SPTLC3: variants seen among roughly 807,000 people sequenced by gnomAD.
SPTLC3 encodes serine palmitoyltransferase 3.
A neutral mutation model predicts 59.3 loss-of-function variants in SPTLC3; 36 were observed. That is an observed-to-expected ratio of 0.61 (90% confidence interval 0.47 to 0.80). The LOEUF (loss-of-function observed/expected upper bound fraction) is 0.80. SPTLC3 is among the 30% of genes least tolerant of loss of function. The pLI is 0.00. For synonymous variants in SPTLC3, 257 were observed against 240.8 expected (o/e 1.07, Z -0.62); for missense variants, 625 against 685.1 (o/e 0.91, Z 0.98).
At chr20:13,020,220 T>C (rs1208643098) in intron 1 of SPTLC3, among the ~76,000 whole-genome samples, 1 of 151,928 alleles carries the variant, frequency 6.6e-6, no homozygotes, top group Non-Finnish European at 1.5e-5. Context: ...TATTTAAAAA[T>C]TGGATTAGAG....
chr20:13,141,200 C>G (rs754883647), intron 9 of SPTLC3, among the ~76,000 whole-genome samples: 16 of 152,210 alleles, frequency 1.1e-4, no homozygotes, highest in Non-Finnish European at 2.1e-4. Context: ...TCACAAACTT[C>G]TCTCATAAGA....
intron 9 of SPTLC3, among the ~76,000 whole-genome samples, 189 bp downstream of exon 9, chr20:13,126,906 T>C (rs1468390520): frequency 1.3e-5 from 2 of 152,254 alleles, no homozygotes; most frequent in Non-Finnish European, 2.9e-5. Flanking sequence ...AAAGAAAACT[T>C]TCTAATTTAC....
chr20:13,165,036 C>A lies in SPTLC3; in HGVS notation c.*169C>A. 1 of 564,774 alleles carries A rather than the reference C, an allele frequency of 1.8e-6. No individual in the cohort carries two copies. The highest frequency in any genetic ancestry group is 1.9e-5 in the African/African-American group (1 of 53,170). The allele number at this position is 564,774 out of a possible 1,614,324, so 35.0% of individuals were successfully genotyped here. ...TTGTTTTTAATGTCTCCAGCTTGGA[C>A]TGCAGAGACAAAAACATGATTCCAG... On this transcript the variant is annotated 3_prime_UTR_variant, in exon 12 of 12. Coordinates refer to ENST00000399002, the MANE Select transcript of SPTLC3 (RefSeq NM_018327.4).
At chr20:13,049,787 A>T (rs1026336445) in intron 2 of SPTLC3, 1 of 152,156 alleles carries the variant, frequency 6.6e-6, no homozygotes, top group African/African-American at 2.4e-5. Context: ...CTCTGTGGAG[A>T]CAATCCCCAG....
At chr20:13,097,371 T>C (rs936698356) in intron 6 of SPTLC3, among the ~76,000 whole-genome samples, 27 of 152,166 alleles carry the variant, frequency 1.8e-4, no homozygotes, top group African/African-American at 6.0e-4. Context: ...CTTACCATGC[T>C]GTTCCCCAGC....
intron 2 of SPTLC3, among the ~76,000 whole-genome samples, chr20:13,061,667 C>T (rs1287365325): frequency 6.6e-6 from 1 of 152,088 alleles, no homozygotes; most frequent in Non-Finnish European, 1.5e-5. Flanking sequence ...TTCCTTTGTA[C>T]CCAAAGTCAA....
At position 13,165,552 on chromosome 20, in the gene SPTLC3, T is replaced by A. The variant is rs1016761964; in HGVS notation, c.*685T>A. On this transcript the variant is annotated 3_prime_UTR_variant, in exon 12 of 12. Transcript: ENST00000399002. ...AGTTTTACAGCTGAGCTTTTGAGGT[T>A]TGGAAAATTCAAGATGTTTGTTTCA... 2.0e-5 allele frequency: 3 copies of A among 152,238 alleles called. No individual in the cohort carries two copies. The highest frequency in any genetic ancestry group is 2.9e-5 in the Non-Finnish European group (2 of 68,048). The allele number at this position is 152,238 out of a possible 1,614,324, so 9.4% of individuals were successfully genotyped here.
intron 1 of SPTLC3, among the ~76,000 whole-genome samples, chr20:13,040,677 G>GC (rs1236301055): frequency 2.0e-5 from 3 of 150,102 alleles, no homozygotes; most frequent in African/African-American, 4.9e-5. Flanking sequence ...CTTTGCCTGT[G>GC]CCCCCTTTTT....
At chr20:13,077,011 G>A (rs1306952502) in intron 4 of SPTLC3, among the ~76,000 whole-genome samples, 1 of 152,090 alleles carries the variant, frequency 6.6e-6, no homozygotes, top group Admixed American at 6.5e-5. Flanking sequence ...GTGAAATTAT[G>A]TACTACTGCT....
chr20:13,117,406 G>T, intron 7 of SPTLC3, 100 bp from the exon 8 acceptor site: 1 of 1,123,458 alleles, frequency 8.9e-7, no homozygotes, highest in Non-Finnish European at 1.2e-6. Flanking sequence ...AAGGAATGGC[G>T]TGTGTCAGGG....
At chr20:13,017,035 T>A (rs1412822282) in intron 1 of SPTLC3, among the ~76,000 whole-genome samples, 1 of 152,172 alleles carries the variant, frequency 6.6e-6, no homozygotes, top group Non-Finnish European at 1.5e-5. Context: ...TAAGTTCTTA[T>A]CCTTTAGTCC....
chr20:13,056,231 G>C (rs1987717981), intron 2 of SPTLC3, among the ~76,000 whole-genome samples: 1 of 152,058 alleles, frequency 6.6e-6, no homozygotes. Flanking sequence ...AAAATAAATG[G>C]TTTCCATCCT....
At chr20:13,015,183 GTGTT>G (rs1235108374) in intron 1 of SPTLC3, among the ~76,000 whole-genome samples, 1 of 152,142 alleles carries the variant, frequency 6.6e-6, no homozygotes, top group African/African-American at 2.4e-5. Flanking sequence ...CTTACCCACT[GTGTT>G]TGGCAAAGGA....
intron 1 of SPTLC3, among the ~76,000 whole-genome samples, chr20:13,044,106 T>C (rs35773538): frequency 0.14 from 11,664 of 82,964 alleles, 473 homozygotes; most frequent in Middle Eastern, 0.28. Flanking sequence ...TTTTTTTTCT[T>C]TTTTTTTTTT....
chr20:13,123,393 TC>T (rs1476926155), intron 8 of SPTLC3, among the ~76,000 whole-genome samples: 4 of 152,160 alleles, frequency 2.6e-5, no homozygotes, highest in Non-Finnish European at 5.9e-5. Context: ...CAGATGCTTT[TC>T]TAAGCATCCC....
intron 9 of SPTLC3, among the ~76,000 whole-genome samples, chr20:13,152,371 C>T (rs987949650): frequency 2.0e-5 from 3 of 152,118 alleles, no homozygotes; most frequent in African/African-American, 7.2e-5. Context: ...TAGCCACCAC[C>T]TGAATTACTC....
intron 9 of SPTLC3, among the ~76,000 whole-genome samples, chr20:13,138,361 T>C (rs2038300827): frequency 6.6e-6 from 1 of 152,102 alleles, no homozygotes; most frequent in African/African-American, 2.4e-5. Flanking sequence ...CTACCCCCAT[T>C]CATTATCTCC....
intron 1 of SPTLC3, among the ~76,000 whole-genome samples, chr20:13,013,429 T>C (rs1479450483): frequency 1.3e-5 from 2 of 152,210 alleles, no homozygotes; most frequent in Non-Finnish European, 2.9e-5. Context: ...GTCAATATTC[T>C]CTCCAATTAC....
chr20:13,061,671 A>G (rs996088526), intron 2 of SPTLC3, among the ~76,000 whole-genome samples: 1 of 152,132 alleles, frequency 6.6e-6, no homozygotes, highest in East Asian at 1.9e-4. Flanking sequence ...TTTGTACCCA[A>G]AGTCAAATCT....
Sources: allele counts gnomAD v4.1 joint callset (sites outside exome capture counted in the v4.1 genomes callset), GRCh38; gene constraint gnomAD v4.1.1; transcripts MANE v1.5; gene names NCBI Gene and HGNC (gene_info 2026-07-23, HGNC 2026-07-21).